UBXN2B: variants seen among roughly 807,000 people sequenced by gnomAD.
UBXN2B encodes the protein UBX domain-containing protein 2B.
Under a neutral mutation model 37.5 loss-of-function variants are expected in UBXN2B, and 19 were observed. The observed-to-expected ratio is 0.51, with a 90% CI of 0.35 to 0.74. UBXN2B has a LOEUF of 0.74. Ranked by LOEUF, UBXN2B falls within the 30% of genes least tolerant of loss-of-function variation. The probability of loss-of-function intolerance (pLI) is 0.01; values close to 1 mark genes in which losing one functional copy is unlikely to be tolerated. For missense variants in UBXN2B, 370 were observed against 393.2 expected, an observed-to-expected ratio of 0.94 and a Z score of 0.50; for synonymous variants, 145 against 143.8, an observed-to-expected ratio of 1.01 and a Z score of -0.06.
intron 2 of UBXN2B, chr8:58,425,358 C>G (rs1186899315): frequency 3.5e-6 from 4 of 1,142,966 alleles, no homozygotes; most frequent in Admixed American, 3.4e-5. Flanking sequence ...AAAAGTCGTT[C>G]ACCATGTTTT....
In UBXN2B at chr8:58,426,298, C is replaced by T. The variant is rs550158587; in HGVS notation, c.189-4221C>T. 3.2e-4 allele frequency: 157 copies of T among 496,732 alleles called. 2 individuals carry two copies. The highest frequency in any genetic ancestry group is 2.8e-3 in the South Asian group (133 of 48,156). 30.8% of individuals were successfully genotyped at this position (496,732 alleles called of 1,614,324 possible). ...CTCGGCTCACTGTAAGCTCCGCCTG[C>T]TGGGTTCATGCCATTCTCCTGCCTC... On this transcript the variant is annotated intron_variant, in intron 2 of 7. Transcript: ENST00000399598.
chr8:58,448,883 G>A lies in UBXN2B; in HGVS notation c.*1332G>A, dbSNP rs186962522. 1 of 152,340 alleles carries A rather than the reference G, an allele frequency of 6.6e-6. No homozygotes were observed. The highest frequency in any genetic ancestry group is 2.4e-5 in the African/African-American group (1 of 41,560). 9.4% of individuals were successfully genotyped at this position (152,340 alleles called of 1,614,324 possible). On this transcript the variant is annotated 3_prime_UTR_variant, in exon 8 of 8. Coordinates refer to ENST00000399598, the MANE Select transcript of UBXN2B (RefSeq NM_001077619.2). Reference sequence around the variant, plus strand: ...ACAAATTTATTATCTTCACAATTCTGTAGGTTAGGAGTCCAGGTTAAGAGT... The same window carrying A: ...ACAAATTTATTATCTTCACAATTCTATAGGTTAGGAGTCCAGGTTAAGAGT...
At chr8:58,430,192 T>G (rs1808232992) in intron 2 of UBXN2B, among the ~76,000 whole-genome samples, 1 of 152,214 alleles carries the variant, frequency 6.6e-6, no homozygotes, top group Non-Finnish European at 1.5e-5. Flanking sequence ...TGCTTTTCCT[T>G]CTACATCAGA....
At chr8:58,424,524 T>G in intron 2 of UBXN2B, 1 of 772,980 alleles carries the variant, frequency 1.3e-6, no homozygotes, top group Non-Finnish European at 2.2e-6. Flanking sequence ...TGCGAAAGTT[T>G]GATCTTTTTA....
chr8:58,446,181 CT>C, intron 7 of UBXN2B, 113 bp downstream of exon 7: 8 of 1,164,052 alleles, frequency 6.9e-6, no homozygotes, highest in Non-Finnish European at 8.0e-6. Flanking sequence ...TTTAGGTTTA[CT>C]TTTGAAGTAA....
chr8:58,422,293 C>G (rs550762108), intron 2 of UBXN2B, among the ~76,000 whole-genome samples: 1 of 152,246 alleles, frequency 6.6e-6, no homozygotes, highest in Admixed American at 6.5e-5. Flanking sequence ...GAATGGCAGC[C>G]AAACTAACTC....
rs982945973 is a variant in UBXN2B at position 58,450,975 on chromosome 8, G to A, written c.*3424G>A. 1.1e-4 allele frequency: 17 copies of A among 152,718 alleles called. No individual in the cohort carries two copies. Among genetic ancestry groups the A allele is most frequent in the Admixed American group, 3.9e-4 (6 of 15,294 alleles). The allele number at this position is 152,718 out of a possible 1,614,324, so 9.5% of individuals were successfully genotyped here. ...ACTTACTGAAAACAACTTGGATAAT[G>A]TGTAACAGCCAGCCCCATTTCAAAA... On this transcript the variant is annotated 3_prime_UTR_variant, in exon 8 of 8. Transcript: ENST00000399598.
chr8:58,436,529 G>A (rs1585614031), intron 5 of UBXN2B, among the ~76,000 whole-genome samples: 2 of 152,178 alleles, frequency 1.3e-5, no homozygotes, highest in South Asian at 2.1e-4. Flanking sequence ...ACACCATGAT[G>A]TTTAGATGGT....
intron 2 of UBXN2B, among the ~76,000 whole-genome samples, chr8:58,418,156 G>A (rs1330521238): frequency 6.7e-6 from 1 of 149,336 alleles, no homozygotes; most frequent in Non-Finnish European, 1.5e-5. Flanking sequence ...CACAAGAATC[G>A]CCTGATCTTG....
chr8:58,431,788 T>G, intron 3 of UBXN2B, among the ~76,000 whole-genome samples: 1 of 152,238 alleles, frequency 6.6e-6, no homozygotes, highest in African/African-American at 2.4e-5. Context: ...GCCATGGTTT[T>G]ATTTTATTTG....
At position 58,439,745 on chromosome 8, in the gene UBXN2B, A is replaced by G. The variant is rs773207957; in HGVS notation, c.646A>G (p.Ser216Gly). ...IKPRLRFKAF[S>G]GEGQKLGSLT... ...ACCTAGATTGAGGTTCAAGGCTTTT[A>G]GTGGAGAAGGGCAAAAACTTGGAAG... Residue 216 changes from serine (S) to glycine (G), a missense_variant, in exon 6 of 8, where the codon AGT (serine) becomes GGT (glycine). Physicochemically the swap from Ser to Gly is moderately conservative, Grantham distance 56 (BLOSUM62 0). Around this residue, in one of 3 missense-constraint regions of UBXN2B, gnomAD observed 90 missense variants for 139.4 expected, o/e 0.65. Transcript: ENST00000399598. The G allele has an allele frequency of 1.2e-5, 19 of 1,604,662 alleles. No homozygotes were observed. Among genetic ancestry groups the G allele is most frequent in the Admixed American group, 1.7e-5 (1 of 58,164 alleles).
chr8:58,421,655 C>T, intron 2 of UBXN2B, among the ~76,000 whole-genome samples: 1 of 152,196 alleles, frequency 6.6e-6, no homozygotes, highest in East Asian at 1.9e-4. Context: ...TTAATTTCCA[C>T]ACCTTTTTTT....
intron 1 of UBXN2B, among the ~76,000 whole-genome samples, chr8:58,412,053 T>G (rs1015503810): frequency 2.6e-5 from 4 of 152,220 alleles, no homozygotes; most frequent in Non-Finnish European, 4.4e-5. Context: ...CGTAATGTTG[T>G]GTAGGACACT....
rs530646696 is a variant in UBXN2B at position 58,440,389 on chromosome 8, T to C, written c.671+619T>C. On this transcript the variant is annotated intron_variant, in intron 6 of 7. Transcript: ENST00000399598. ...AGTTTTTAAACAGCCAAACCCTTTTTTCAAGTCATGGAAGTGCAATATGTA... is the reference window on the plus strand; with the variant it reads ...AGTTTTTAAACAGCCAAACCCTTTTCTCAAGTCATGGAAGTGCAATATGTA... Among the ~76,000 whole-genome samples, 67 of 152,336 alleles carry C rather than the reference T, an allele frequency of 4.4e-4. 1 individual carries two copies. In the South Asian group the frequency reaches 0.014, roughly 31 times the overall value.
In UBXN2B at chr8:58,434,373, T is replaced by A. The variant is rs758703375; in HGVS notation, c.424-22T>A. ...AATATATATATATATATATATATTT[T>A]TTTTTTTTCTATACCCAAAAGGTTC... On this transcript the variant is annotated intron_variant, in intron 4 of 7. Coordinates refer to ENST00000399598, the MANE Select transcript of UBXN2B (RefSeq NM_001077619.2). 3.3e-4 allele frequency: 275 copies of A among 830,954 alleles called. 2 individuals carry two copies. In the African/African-American group the frequency reaches 3.4e-3, roughly 10 times the overall value. The allele number at this position is 830,954 out of a possible 1,614,324, so 51.5% of individuals were successfully genotyped here.
intron 2 of UBXN2B, among the ~76,000 whole-genome samples, chr8:58,428,621 C>T (rs1388078124): frequency 6.6e-6 from 1 of 152,116 alleles, no homozygotes; most frequent in African/African-American, 2.4e-5. Context: ...ATCTTTTATT[C>T]CTTTTCACTT....
chr8:58,434,541 A>C, intron 5 of UBXN2B, 37 bp downstream of exon 5: 1 of 1,415,124 alleles, frequency 7.1e-7, no homozygotes, highest in East Asian at 2.4e-5. Flanking sequence ...TGTTATGTAG[A>C]GTGGGACTTA....
intron 1 of UBXN2B, among the ~76,000 whole-genome samples, chr8:58,414,983 A>G (rs534237031): frequency 5.3e-5 from 8 of 152,158 alleles, no homozygotes; most frequent in Non-Finnish European, 1.0e-4. Flanking sequence ...TTTAAAATAC[A>G]TCTATCTATA....
intron 2 of UBXN2B, among the ~76,000 whole-genome samples, chr8:58,424,040 A>G (rs1375568770): frequency 6.6e-6 from 1 of 152,110 alleles, no homozygotes; most frequent in Non-Finnish European, 1.5e-5. Context: ...TGACAGTCTC[A>G]GGCCCTAGCT....
Sources: gnomAD v4.1 joint callset for allele counts (sites outside exome capture counted in the v4.1 genomes callset) on GRCh38, gnomAD v4.1.1 for gene constraint, gnomAD v4.1.1 regional missense constraint, MANE v1.5 for transcripts, NCBI Gene and HGNC (gene_info 2026-07-23, HGNC 2026-07-21) for gene names.